Variants in PSMA1 observed in about 807,000 individuals in gnomAD.
The protein encoded by PSMA1 is proteasome 20S subunit alpha 1.
PSMA1 carries 3 observed loss-of-function variants against 38.4 expected under a neutral mutation model. That is an observed-to-expected ratio of 0.08 (90% CI 0.04 to 0.20). PSMA1 has a LOEUF of 0.20. PSMA1 is among the 10% of genes least tolerant of loss of function. The pLI is 1.00. For missense variants in PSMA1, 227 were observed against 325.3 expected (o/e 0.70, Z 2.32); for synonymous variants, 101 against 107.1 (o/e 0.94, Z 0.35).
intron 1 of PSMA1, 107 bp downstream of exon 1, chr11:14,520,190 T>C (rs575842787): frequency 1.3e-6 from 2 of 1,545,974 alleles, no homozygotes; most frequent in African/African-American, 1.4e-5. Flanking sequence ...GAGGCTCTCA[T>C]ACCTCGTGGC....
intron 9 of PSMA1, among the ~76,000 whole-genome samples, chr11:14,505,857 T>C (rs1460192064): frequency 6.6e-6 from 1 of 151,700 alleles, no homozygotes; most frequent in Non-Finnish European, 1.5e-5. Flanking sequence ...AGAAAAAAAA[T>C]GTGCTGGGCA....
At chr11:14,640,957 T>C (rs1853191608) in intron 1 of PSMA1, among the ~76,000 whole-genome samples, 1 of 152,088 alleles carries the variant, frequency 6.6e-6, no homozygotes, top group African/African-American at 2.4e-5. Flanking sequence ...TGTCCTAAAA[T>C]GACTTGGGAG....
At chr11:14,624,015 T>C (rs1852882189) in intron 1 of PSMA1, among the ~76,000 whole-genome samples, 1 of 152,220 alleles carries the variant, frequency 6.6e-6, no homozygotes, top group African/African-American at 2.4e-5. Flanking sequence ...GTCTGATCTA[T>C]GGGTATAGAA....
At chr11:14,512,644 C>T (rs1353067350) in intron 7 of PSMA1, among the ~76,000 whole-genome samples, 1 of 152,172 alleles carries the variant, frequency 6.6e-6, no homozygotes, top group Non-Finnish European at 1.5e-5. Context: ...TACTCTGTGA[C>T]TCCTTATGGG....
chr11:14,642,792 T>C (rs769187806), intron 1 of PSMA1, among the ~76,000 whole-genome samples: 2 of 152,196 alleles, frequency 1.3e-5, no homozygotes, highest in Non-Finnish European at 2.9e-5. Context: ...TTCAGGTCTG[T>C]GTTTCCTAAT....
At chr11:14,632,504 T>C (rs1249323839) in intron 1 of PSMA1, among the ~76,000 whole-genome samples, 12 of 147,826 alleles carry the variant, frequency 8.1e-5, no homozygotes, top group African/African-American at 2.8e-4. Flanking sequence ...CCCCACTCTC[T>C]TCTGGCTTGT....
intron 2 of PSMA1, among the ~76,000 whole-genome samples, chr11:14,535,125 C>A (rs112645962): frequency 1.6e-3 from 239 of 148,674 alleles, no homozygotes; most frequent in Non-Finnish European, 2.6e-3. Flanking sequence ...ATTTTAGAAG[C>A]TTTTTATTTT....
chr11:14,611,319 T>C (rs1334057751), intron 1 of PSMA1, among the ~76,000 whole-genome samples: 2 of 152,020 alleles, frequency 1.3e-5, no homozygotes, highest in African/African-American at 2.4e-5. Context: ...GAGGGAAATA[T>C]CAAAAGTGAG....
chr11:14,549,010 T>C (rs1851857259), intron 2 of PSMA1, among the ~76,000 whole-genome samples: 1 of 152,182 alleles, frequency 6.6e-6, no homozygotes, highest in African/African-American at 2.4e-5. Flanking sequence ...TGTTGTTTTA[T>C]GAAAAATACT....
At chr11:14,539,871 A>T (rs1851752503) in intron 2 of PSMA1, among the ~76,000 whole-genome samples, 1 of 152,140 alleles carries the variant, frequency 6.6e-6, no homozygotes, top group Non-Finnish European at 1.5e-5. Context: ...AAAGAAAAAA[A>T]AAACAACAAC....
At chr11:14,563,579 T>C (rs1852034916) in intron 2 of PSMA1, among the ~76,000 whole-genome samples, 1 of 152,170 alleles carries the variant, frequency 6.6e-6, no homozygotes, top group Non-Finnish European at 1.5e-5. Flanking sequence ...TCATTGCAGG[T>C]TTTCAAGCAA....
rs556617741 is a variant in PSMA1 at position 14,553,341 on chromosome 11, A to T, written c.22-34300T>A. ...ATTCAAATTTCACCAGTTTTTACCTATACTCGTGTGTGTGTGTAGTTCTAT... is the reference window on the plus strand; with the variant it reads ...ATTCAAATTTCACCAGTTTTTACCTTTACTCGTGTGTGTGTGTAGTTCTAT... On this transcript the variant is annotated intron_variant, in intron 2 of 10. Coordinates refer to the PSMA1 transcript ENST00000418988. Among the ~76,000 whole-genome samples, 4 of 152,234 alleles carry T rather than the reference A, an allele frequency of 2.6e-5. No individual in the cohort carries two copies. In the South Asian group the frequency reaches 6.2e-4, roughly 24 times the overall value.
intron 8 of PSMA1, among the ~76,000 whole-genome samples, chr11:14,509,396 C>T (rs1851302041): frequency 6.6e-6 from 1 of 152,080 alleles, no homozygotes; most frequent in Admixed American, 6.6e-5. Flanking sequence ...TTAACTCTGT[C>T]ACTCTGCTGC....
chr11:14,580,396 C>A (rs571737346), intron 2 of PSMA1, among the ~76,000 whole-genome samples: 2 of 152,284 alleles, frequency 1.3e-5, no homozygotes, highest in East Asian at 3.9e-4. Context: ...TGCTACACCT[C>A]AAGACCACTT....
intron 1 of PSMA1, among the ~76,000 whole-genome samples, chr11:14,621,339 C>T (rs531061772): frequency 8.3e-4 from 126 of 151,832 alleles, no homozygotes; most frequent in African/African-American, 2.9e-3. Flanking sequence ...GCAGTAGCAC[C>T]ATCATAGCTC....
At chr11:14,600,824 C>T (rs1002103213) in intron 2 of PSMA1, among the ~76,000 whole-genome samples, 12 of 152,224 alleles carry the variant, frequency 7.9e-5, no homozygotes, top group Admixed American at 2.6e-4. Context: ...TCTTCTGCGT[C>T]GATCCTGCTG....
intron 2 of PSMA1, among the ~76,000 whole-genome samples, chr11:14,565,939 A>G (rs1017986072): frequency 1.3e-5 from 2 of 152,198 alleles, no homozygotes; most frequent in African/African-American, 2.4e-5. Flanking sequence ...TTGAATAAGG[A>G]TCTAAAGGAA....
chr11:14,527,873 A>G (rs1004584809), intron 2 of PSMA1, among the ~76,000 whole-genome samples: 8 of 152,152 alleles, frequency 5.3e-5, no homozygotes, highest in Non-Finnish European at 1.0e-4. Flanking sequence ...CTTCAGTGAC[A>G]AAGTACACTT....
At chr11:14,608,583 CAA>C (rs966779717) in intron 2 of PSMA1, among the ~76,000 whole-genome samples, 1 of 140,790 alleles carries the variant, frequency 7.1e-6, no homozygotes. Flanking sequence ...TTAAAAAAGG[CAA>C]AAAAAAATTT....
Sources: allele counts gnomAD v4.1 joint callset (sites outside exome capture counted in the v4.1 genomes callset), GRCh38; gene constraint gnomAD v4.1.1; transcripts MANE v1.5; gene names NCBI Gene and HGNC (gene_info 2026-07-23, HGNC 2026-07-21).